SBF2: variants seen among roughly 807,000 people sequenced by gnomAD.
SBF2 encodes the protein myotubularin-related protein 13.
In SBF2, 112 loss-of-function variants were observed where a neutral mutation model predicts 225.2. That is an observed-to-expected ratio of 0.50 (90% confidence interval 0.43 to 0.58). The LOEUF is 0.58. Among genes scored for constraint, SBF2 ranks in the 20% least tolerant of loss-of-function variants. SBF2 has a pLI of 0.00. For synonymous variants in SBF2, 763 were observed against 773.3 expected (o/e 0.99, Z 0.22); for missense variants, 1,996 against 2,206.2 (o/e 0.90, Z 1.91).
At chr11:10,194,055 TA>T (rs1361051802) in intron 1 of SBF2, 68 bp from the exon 2 acceptor site, 124 of 970,030 alleles carry the variant, frequency 1.3e-4, no homozygotes, top group Non-Finnish European at 1.7e-4. Flanking sequence ...ATTCTACTCT[TA>T]CTTATTTCTA....
At chr11:10,196,070 C>T (rs1957344695) in intron 1 of SBF2, among the ~76,000 whole-genome samples, 2 of 152,122 alleles carry the variant, frequency 1.3e-5, no homozygotes, top group African/African-American at 2.4e-5. Flanking sequence ...GTTATGTTAT[C>T]GTAAGCTCAA....
chr11:10,111,921 T>C lies in SBF2; in HGVS notation c.142-68940A>G, dbSNP rs144502388. 3.8e-3 allele frequency among the ~76,000 whole-genome samples: 579 copies of C among 152,298 alleles called. 4 individuals are homozygous for C. Among genetic ancestry groups the C allele is most frequent in the South Asian group, 5.4e-3 (26 of 4,822 alleles). Reference sequence around the variant, plus strand: ...AACTTAGAGTTCTGTTAGAGATGTTTTGTTTCACTATTTAAAAAATTCTAT... The same window carrying C: ...AACTTAGAGTTCTGTTAGAGATGTTCTGTTTCACTATTTAAAAAATTCTAT... On this transcript the variant is annotated intron_variant, in intron 2 of 39. Coordinates refer to ENST00000256190, the MANE Select transcript of SBF2 (RefSeq NM_030962.4).
chr11:9,928,333 T>C (rs2134248058), intron 16 of SBF2, among the ~76,000 whole-genome samples: 1 of 152,154 alleles, frequency 6.6e-6, no homozygotes, highest in East Asian at 1.9e-4. Flanking sequence ...AGATGGTAAA[T>C]AAGTATAAAT....
At chr11:9,854,378 G>C (rs1229238777) in intron 19 of SBF2, among the ~76,000 whole-genome samples, 1 of 152,122 alleles carries the variant, frequency 6.6e-6, no homozygotes, top group Non-Finnish European at 1.5e-5. Context: ...TGCCCTTCTT[G>C]CTTATTCAGC....
In SBF2 at chr11:10,267,680, G is replaced by A. The variant is rs371835855; in HGVS notation, c.55+26335C>T. ...GTGGCTAAGTACAAAGCTAGAAGCA[G>A]CCTGGTCCAGATGGCTATACAAACC... On this transcript the variant is annotated intron_variant, in intron 1 of 39. Transcript: ENST00000256190. 7.2e-5 allele frequency among the ~76,000 whole-genome samples: 11 copies of A among 151,888 alleles called. No individual in the cohort carries two copies. The East Asian group carries it at 9.7e-4, about 13-fold the overall frequency.
At chr11:9,951,998 C>T (rs762439428) in intron 16 of SBF2, among the ~76,000 whole-genome samples, 1 of 152,164 alleles carries the variant, frequency 6.6e-6, no homozygotes, top group Non-Finnish European at 1.5e-5. Flanking sequence ...TACTGAAAAA[C>T]GTCAACCTCC....
intron 16 of SBF2, chr11:9,960,106 T>C (rs913499064): frequency 1.7e-5 from 3 of 177,480 alleles, no homozygotes; most frequent in African/African-American, 7.2e-5. Context: ...GTGATTCTCC[T>C]ATCTCAGCTA....
Position 10,267,175 on chromosome 11 carries a change from C to T in SBF2, c.55+26840G>A, listed in dbSNP as rs181853697. On this transcript the variant is annotated intron_variant, in intron 1 of 39. Transcript: ENST00000256190. ...ATCTCTTCTTCCCTACTTCCTCCATCCTCCTACTTGGAATATAGATGGGAT... is the reference window on the plus strand; with the variant it reads ...ATCTCTTCTTCCCTACTTCCTCCATTCTCCTACTTGGAATATAGATGGGAT... Among the ~76,000 whole-genome samples, 14 of 152,294 alleles carry T rather than the reference C, an allele frequency of 9.2e-5. No homozygotes were observed. In the East Asian group the frequency reaches 2.7e-3, roughly 29 times the overall value.
intron 2 of SBF2, among the ~76,000 whole-genome samples, chr11:10,148,585 A>T (rs907328368): frequency 6.6e-6 from 1 of 152,078 alleles, no homozygotes; most frequent in African/African-American, 2.4e-5. Flanking sequence ...GCCAGGACAA[A>T]ATCTAGGATC....
At chr11:9,835,894 A>G (rs1335104422) in intron 26 of SBF2, among the ~76,000 whole-genome samples, 1 of 151,940 alleles carries the variant, frequency 6.6e-6, no homozygotes, top group Non-Finnish European at 1.5e-5. Flanking sequence ...AGTTTTTTTA[A>G]TTATTAAGAA....
chr11:10,107,132 C>G (rs72860548), intron 2 of SBF2, among the ~76,000 whole-genome samples: 27,216 of 152,140 alleles, frequency 0.18, 2,600 homozygotes, highest in East Asian at 0.28. Context: ...CATATACATA[C>G]TTAAATAAGT....
intron 16 of SBF2, among the ~76,000 whole-genome samples, chr11:9,908,488 G>C (rs985738728): frequency 6.6e-6 from 1 of 151,836 alleles, no homozygotes; most frequent in Non-Finnish European, 1.5e-5. Flanking sequence ...TTAGCCAGGC[G>C]TGGTGGCGGG....
rs930723694 is a variant in SBF2, at chr11:9,975,705, C to T, written c.1396-7160G>A. Among the ~76,000 whole-genome samples the T allele has an allele frequency of 1.4e-4, 21 of 152,166 alleles. No homozygotes were observed. The East Asian group carries it at 3.9e-3, about 28-fold the overall frequency. On this transcript the variant is annotated intron_variant, in intron 13 of 39. Coordinates refer to ENST00000256190, the MANE Select transcript of SBF2 (RefSeq NM_030962.4). ...GACGGGAGGGGGGTTCAATTTGAAG[C>T]CTATGCTTTGCGGGCAGGGCTTCAT...
chr11:9,909,069 G>A (rs991399295), intron 16 of SBF2, among the ~76,000 whole-genome samples: 1 of 151,942 alleles, frequency 6.6e-6, no homozygotes, highest in African/African-American at 2.4e-5. Flanking sequence ...CAATGATTGT[G>A]TTATACATAA....
At chr11:9,864,841 G>A (rs1374872317) in intron 17 of SBF2, among the ~76,000 whole-genome samples, 1 of 152,142 alleles carries the variant, frequency 6.6e-6, no homozygotes, top group African/African-American at 2.4e-5. Context: ...TCCTTTGCCT[G>A]GGTTTGGTGG....
chr11:9,884,014 G>C (rs1418602378), intron 17 of SBF2, among the ~76,000 whole-genome samples: 2 of 152,178 alleles, frequency 1.3e-5, no homozygotes, highest in African/African-American at 4.8e-5. Context: ...AGGGTTCTGA[G>C]ACTCTTGAAT....
chr11:10,291,187 A>G (rs1373972668), intron 1 of SBF2, among the ~76,000 whole-genome samples: 1 of 152,192 alleles, frequency 6.6e-6, no homozygotes, highest in African/African-American at 2.4e-5. Context: ...TTAAAATCCT[A>G]ACACCCAAAG....
At chr11:10,010,281 A>G (rs1248432761) in intron 6 of SBF2, among the ~76,000 whole-genome samples, 1 of 152,076 alleles carries the variant, frequency 6.6e-6, no homozygotes, top group African/African-American at 2.4e-5. Context: ...TTTTGTTGCC[A>G]TTGCTTTTGG....
At chr11:10,234,447 A>G (rs975456449) in intron 1 of SBF2, among the ~76,000 whole-genome samples, 18 of 152,204 alleles carry the variant, frequency 1.2e-4, no homozygotes, top group Non-Finnish European at 1.6e-4. Flanking sequence ...TTTTATAACC[A>G]TATCAATTTT....
Sources: allele counts gnomAD v4.1 joint callset (sites outside exome capture counted in the v4.1 genomes callset), GRCh38; gene constraint gnomAD v4.1.1; transcripts MANE v1.5; gene names NCBI Gene and HGNC (gene_info 2026-07-23, HGNC 2026-07-21).